Variants in SARS2 observed in about 807,000 individuals in gnomAD.
SARS2 encodes serine--tRNA ligase, mitochondrial.
SARS2 carries 52 observed loss-of-function variants against 66.8 expected under a neutral mutation model. The observed-to-expected ratio is 0.78, with a 90% confidence interval of 0.62 to 0.98. The LOEUF (loss-of-function observed/expected upper bound fraction) is 0.98. Among genes scored for constraint, SARS2 ranks in the 50% least tolerant of loss-of-function variants. The pLI is 0.00. For synonymous variants in SARS2, 306 were observed against 281.4 expected (o/e 1.09, Z -0.87); for missense variants, 673 against 706.3 (o/e 0.95, Z 0.53).
intron 1 of SARS2, among the ~76,000 whole-genome samples, chr19:38,927,623 G>A (rs1338687523): frequency 6.6e-6 from 1 of 152,058 alleles, no homozygotes; most frequent in Non-Finnish European, 1.5e-5. Context: ...CTGCCATACG[G>A]TTTTCCATGG....
At position 38,930,594 on chromosome 19, in the gene SARS2, G is replaced by C. The variant is rs749638100; in HGVS notation, c.143C>G (p.Ala48Gly). The stretch of plus-strand genomic sequence containing the variant: ...AGGGAGTGCGCTGTAGCCCTCGCGC[G>C]CATACTCGTACAGGAGGTTCCGGTT... ...KRNRNLLYEY[A>G]REGYSALPQL... The change falls in exon 1 of 16, where the codon GCG (alanine) becomes GGG (glycine). Residue 48 changes from alanine (A) to glycine (G), a missense_variant. Physicochemically the swap from Ala to Gly is moderately conservative, Grantham distance 60 (BLOSUM62 0). Coordinates refer to ENST00000221431, the MANE Select transcript of SARS2 (RefSeq NM_017827.4). The C allele has an allele frequency of 6.2e-7, 1 of 1,614,066 alleles. No individual in the cohort carries two copies. Among genetic ancestry groups the C allele is most frequent in the Non-Finnish European group, 8.5e-7 (1 of 1,180,018 alleles).
chr19:38,917,984 G>A lies in SARS2; in HGVS notation c.987C>T (p.Tyr329=), dbSNP rs750541921. 1.1e-5 allele frequency: 18 copies of A among 1,604,224 alleles called. No individual in the cohort carries two copies. The highest frequency in any genetic ancestry group is 1.5e-5 in the Non-Finnish European group (18 of 1,175,186). Residue 329 remains tyrosine (Y), a synonymous_variant, in exon 11 of 16, where the codon TAC becomes TAT. Transcript: ENST00000221431. ...PVRMVCSSTC[Y]RAETNTGQEP... ...CCTGTCCCGTGTTTGTCTCTGCCCGGTAGCAGGTGCTGGAGCAAACCATCC... is the reference window on the plus strand; with the variant it reads ...CCTGTCCCGTGTTTGTCTCTGCCCGATAGCAGGTGCTGGAGCAAACCATCC...
chr19:38,930,586 C>T lies in SARS2; in HGVS notation c.151G>A (p.Gly51Ser), dbSNP rs1014798115. The T allele has an allele frequency of 6.2e-7, 1 of 1,614,078 alleles. No individual in the cohort carries two copies. The highest frequency in any genetic ancestry group is 8.5e-7 in the Non-Finnish European group (1 of 1,180,024). ...TCCAGCTGAGGGAGTGCGCTGTAGC[C>T]CTCGCGCGCATACTCGTACAGGAGG... is the stretch of plus-strand genomic sequence containing the variant. The part of the protein sequence containing the change: ...RNLLYEYARE[G>S]YSALPQLDIE... Residue 51 changes from glycine (G) to serine (S), a missense_variant, in exon 1 of 16, where the codon GGC becomes AGC. Gly to Ser is a moderately conservative substitution (Grantham distance 56, BLOSUM62 0). Transcript: ENST00000221431.
intron 8 of SARS2, 42 bp downstream of exon 8, chr19:38,918,724 T>C: frequency 1.3e-6 from 2 of 1,552,054 alleles, no homozygotes; most frequent in Non-Finnish European, 1.7e-6. Flanking sequence ...CGGCAGGGCC[T>C]GACACCCAGG....
intron 12 of SARS2, among the ~76,000 whole-genome samples, chr19:38,916,664 GTTT>G (rs71165593): frequency 1.5e-5 from 2 of 133,824 alleles, no homozygotes; most frequent in African/African-American, 5.6e-5. Flanking sequence ...GGCACCCTCG[GTTT>G]TTTTTTTTTT....
chr19:38,924,385 GGAT>G (rs1242110026), intron 2 of SARS2, among the ~76,000 whole-genome samples: 8 of 152,268 alleles, frequency 5.3e-5, no homozygotes, highest in Non-Finnish European at 1.5e-5. Flanking sequence ...CTGTGAAGTG[GGAT>G]GATAACAGGA....
intron 9 of SARS2, 40 bp from the exon 10 acceptor site, chr19:38,918,179 G>A (rs1341396056): frequency 6.4e-7 from 1 of 1,570,010 alleles, no homozygotes; most frequent in Non-Finnish European, 8.6e-7. Flanking sequence ...GGCTGCCAGT[G>A]CCCAGAGGAA....
chr19:38,916,345 T>G (rs2144760951), intron 12 of SARS2, 31 bp from the exon 13 acceptor site: 1 of 1,590,568 alleles, frequency 6.3e-7, no homozygotes, highest in African/African-American at 1.3e-5. Flanking sequence ...GTGGGGAAGG[T>G]CAGCGGGTGA....
intron 6 of SARS2, 89 bp from the exon 7 acceptor site, chr19:38,919,956 C>T (rs1974489134): frequency 1.5e-6 from 2 of 1,361,624 alleles, no homozygotes; most frequent in Non-Finnish European, 2.1e-6. Context: ...GGCCCGGCTG[C>T]TGGGTGGGGC....
At position 38,930,333 on chromosome 19, in the gene SARS2, T is replaced by C. The variant is rs540190207; in HGVS notation, c.267+137A>G. 3.5e-6 allele frequency: 4 copies of C among 1,156,988 alleles called. No homozygotes were observed. The South Asian group carries it at 4.7e-5, about 14-fold the overall frequency. 71.7% of individuals were successfully genotyped at this position (1,156,988 alleles called of 1,614,324 possible). On this transcript the variant is annotated intron_variant, in intron 1 of 15. Coordinates refer to ENST00000221431, the MANE Select transcript of SARS2 (RefSeq NM_017827.4). ...ACAACTGGCACATAAGTGGGTGCCA[T>C]GCACAAGACGTTGGCTAACTTGGGA...
chr19:38,918,083 C>A lies in SARS2; in HGVS notation c.962+11G>T, dbSNP rs1332720838. ...CAGGTGGGGTCAAGGTCTAAGGAAACCAGGTGTCACCTGACTGGCAGGTCC... is the reference window on the plus strand; with the variant it reads ...CAGGTGGGGTCAAGGTCTAAGGAAAACAGGTGTCACCTGACTGGCAGGTCC... On this transcript the variant is annotated intron_variant, in intron 10 of 15. Transcript: ENST00000221431. 3.1e-6 allele frequency: 5 copies of A among 1,606,104 alleles called. No homozygotes were observed. In the African/African-American group the frequency reaches 6.7e-5, roughly 21 times the overall value.
chr19:38,921,948 A>T (rs1312880381), intron 3 of SARS2: 2 of 1,544,744 alleles, frequency 1.3e-6, no homozygotes, highest in Non-Finnish European at 1.8e-6. Context: ...AATCAGCCCC[A>T]GGACTTTAAC....
In SARS2 at chr19:38,916,042, G is replaced by A; in HGVS notation, c.1342C>T (p.His448Tyr). ...QTEAGELQFA[H>Y]TVNATACAVP... ...GGAGGCTGTGCGGGCCTCACCGTGT[G>A]GGCAAACTGCAGCTCCCCAGCCTCG... The change falls in exon 14 of 16, where the codon CAC (histidine) becomes TAC (tyrosine). Residue 448 changes from histidine to tyrosine, a missense_variant. Transcript: ENST00000221431. 6.2e-7 allele frequency: 1 copy of A among 1,613,536 alleles called. No individual in the cohort carries two copies. The highest frequency in any genetic ancestry group is 8.5e-7 in the Non-Finnish European group (1 of 1,179,908).
At position 38,924,117 on chromosome 19, in the gene SARS2, G is replaced by A. The variant is rs115112298; in HGVS notation, c.364-1850C>T. On this transcript the variant is annotated intron_variant, in intron 2 of 15. Transcript: ENST00000221431. ...ACTGTACTCTGGTCTGGGTGACACA[G>A]TGAGACTCTGTCTCAAAAAAAAAAA... Among the ~76,000 whole-genome samples, 291 of 144,316 alleles carry A rather than the reference G, an allele frequency of 2.0e-3. 2 individuals carry two copies. Among genetic ancestry groups the A allele is most frequent in the African/African-American group, 7.2e-3 (277 of 38,416 alleles). The allele number at this position is 144,316 out of a possible 152,430, so 94.7% of individuals were successfully genotyped here.
At chr19:38,922,316 TG>T in intron 2 of SARS2, 49 bp from the exon 3 acceptor site, 1 of 1,592,910 alleles carries the variant, frequency 6.3e-7, no homozygotes, top group Non-Finnish European at 8.6e-7. Context: ...AAGTCGAGGG[TG>T]GGGAAGAGAA....
At position 38,918,806 on chromosome 19, in the gene SARS2, G is replaced by A; in HGVS notation, c.767C>T (p.Thr256Ile). 2 of 1,560,544 alleles carry A rather than the reference G, an allele frequency of 1.3e-6. No homozygotes were observed. Among genetic ancestry groups the A allele is most frequent in the Non-Finnish European group, 1.7e-6 (2 of 1,151,432 alleles). Residue 256 changes from threonine to isoleucine, a missense_variant, in exon 8 of 16, where the codon ACC becomes ATC. By Grantham distance (89) the Thr-to-Ile change is moderately conservative. Transcript: ENST00000221431. ...TFNKLLRRGF[T>I]PMTVPDLLRG... is the part of the protein sequence containing the mutation. Reference sequence around the variant, plus strand: ...GAGAAGGTCTGGCACCGTCATGGGGGTGAAGCCCTGTTCAGGGGAGAGGAT... The same window carrying A: ...GAGAAGGTCTGGCACCGTCATGGGGATGAAGCCCTGTTCAGGGGAGAGGAT...
Position 38,916,085 on chromosome 19 carries a change from G to A in SARS2, c.1299C>T (p.Leu433=), listed in dbSNP as rs1974409551. 2.5e-6 allele frequency: 4 copies of A among 1,613,836 alleles called. No homozygotes were observed. Among genetic ancestry groups the A allele is most frequent in the Non-Finnish European group, 3.4e-6 (4 of 1,179,978 alleles). Residue 433 remains leucine, a synonymous_variant, in exon 14 of 16, where the codon CTC becomes CTT. Transcript: ENST00000221431. The part of the protein sequence containing the change: ...SNCTDFQSRR[L]HIMFQTEAGE... Reference sequence around the variant, plus strand: ...CAGCCTCGGTCTGGAACATGATGTGGAGGCGGCGGCTCTGGAAGTCTGTGC... The same window carrying A: ...CAGCCTCGGTCTGGAACATGATGTGAAGGCGGCGGCTCTGGAAGTCTGTGC...
At position 38,919,830 on chromosome 19, in the gene SARS2, G is replaced by A. The variant is rs1388476053; in HGVS notation, c.691C>T (p.Leu231=). Residue 231 remains leucine, a synonymous_variant, in exon 7 of 16, where the codon CTG becomes TTG. Coordinates refer to ENST00000221431, the MANE Select transcript of SARS2 (RefSeq NM_017827.4). ...TGCAGGAGGGCTCCAGCCCCGCGCA[G>A]GTAATAGGACCGGTGGCCAGACACG... ...SHVSGHRSYY[L]RGAGALLQHG... 6.2e-7 allele frequency: 1 copy of A among 1,614,212 alleles called. No homozygotes were observed. Among genetic ancestry groups the A allele is most frequent in the Non-Finnish European group, 8.5e-7 (1 of 1,180,028 alleles).
chr19:38,918,591 C>T, intron 8 of SARS2, 61 bp from the exon 9 acceptor site: 1 of 1,458,648 alleles, frequency 6.9e-7, no homozygotes, highest in Non-Finnish European at 9.6e-7. Flanking sequence ...TCTCGTTTTA[C>T]AGTCCCAACC....
Sources: gnomAD v4.1 joint callset for allele counts (sites outside exome capture counted in the v4.1 genomes callset) on GRCh38, gnomAD v4.1.1 for gene constraint, MANE v1.5 for transcripts, NCBI Gene and HGNC (gene_info 2026-07-23, HGNC 2026-07-21) for gene names.